SERPING1: variants seen among roughly 807,000 people sequenced by gnomAD.
SERPING1 encodes plasma protease C1 inhibitor.
A neutral mutation model predicts 34.1 loss-of-function variants in SERPING1; 5 were observed. The observed-to-expected ratio is 0.15, with a 90% confidence interval of 0.08 to 0.31. The LOEUF is 0.31. Among genes scored for constraint, SERPING1 ranks in the 10% least tolerant of loss-of-function variants. The probability of loss-of-function intolerance (pLI) is 1.00; values close to 1 mark genes in which losing one functional copy is unlikely to be tolerated. For missense variants in SERPING1, 505 were observed against 609.5 expected (o/e 0.83, Z 1.81); for synonymous variants, 225 against 242.4 (o/e 0.93, Z 0.67).
At chr11:57,598,448 A>C in intron 2 of SERPING1, 127 bp downstream of exon 2, 2 of 892,472 alleles carry the variant, frequency 2.2e-6, no homozygotes, top group Non-Finnish European at 3.5e-6. Context: ...TCTTGGGATC[A>C]TTGAGTGTGA....
Position 57,602,095 on chromosome 11 carries a change from C to T in SERPING1, c.611C>T (p.Thr204Ile). The change falls in exon 4 of 8, where the codon ACC becomes ATC. Residue 204 changes from threonine to isoleucine, a missense_variant. Transcript: ENST00000278407. ...ATCCTCTCTTACCCCAAGGACTTCA[C>T]CTGTGTCCACCAGGCCCTGAAGGGC... ...ESILSYPKDF[T>I]CVHQALKGFT... 1 of 1,614,186 alleles carries T rather than the reference C, an allele frequency of 6.2e-7. No homozygotes were observed. Among genetic ancestry groups the T allele is most frequent in the South Asian group, 1.1e-5 (1 of 91,084 alleles).
intron 4 of SERPING1, among the ~76,000 whole-genome samples, chr11:57,603,420 A>AGGCG (rs1451135508): frequency 6.8e-6 from 1 of 147,854 alleles, no homozygotes. Context: ...GGTGGTGTGC[A>AGGCG]CCTGTAATCC....
chr11:57,614,356 C>T lies in SERPING1; in HGVS notation c.1278C>T (p.Asn426=). ...LEFFDFSYDL[N]LCGLTEDPDL... ...TCTTCGATTTTTCTTATGACCTTAA[C>T]CTGTGTGGGCTGACAGAGGACCCAG... The change falls in exon 8 of 8, where the codon AAC becomes AAT. Residue 426 remains asparagine (N), a synonymous_variant. Transcript: ENST00000278407. The T allele has an allele frequency of 6.2e-7, 1 of 1,614,028 alleles. No homozygotes were observed. Among genetic ancestry groups the T allele is most frequent in the Non-Finnish European group, 8.5e-7 (1 of 1,180,022 alleles).
intron 6 of SERPING1, chr11:57,611,366 G>A (rs879288161): frequency 2.1e-5 from 7 of 332,650 alleles, no homozygotes; most frequent in Admixed American, 8.5e-5. Context: ...TAACTCTGGC[G>A]GTTCAATGTG....
At chr11:57,612,525 C>T (rs139502497) in intron 7 of SERPING1, among the ~76,000 whole-genome samples, 2,081 of 151,212 alleles carry the variant, frequency 0.014, 68 homozygotes, top group African/African-American at 0.049. Context: ...GCCATTCTCT[C>T]GCCTCAGCCT....
At position 57,611,779 on chromosome 11, in the gene SERPING1, A is replaced by T. The variant is rs150193494; in HGVS notation, c.1092A>T (p.Lys364Asn). The T allele has an allele frequency of 1.9e-6, 3 of 1,614,126 alleles. No individual in the cohort carries two copies. The highest frequency in any genetic ancestry group is 1.7e-6 in the Non-Finnish European group (2 of 1,180,044). The change falls in exon 7 of 8, where the codon AAA becomes AAT. Residue 364 changes from lysine to asparagine, a missense_variant. Coordinates refer to ENST00000278407, the MANE Select transcript of SERPING1 (RefSeq NM_000062.3). ...TGATCCTGGTACCCCAGAACCTGAA[A>T]CATCGTCTTGAAGACATGGAACAGG... is the stretch of plus-strand genomic sequence containing the variant. ...SLVILVPQNL[K>N]HRLEDMEQAL...
intron 1 of SERPING1, 64 bp from the exon 2 acceptor site, chr11:57,598,185 G>A: frequency 7.6e-7 from 1 of 1,314,344 alleles, no homozygotes; most frequent in Middle Eastern, 2.6e-4. Flanking sequence ...GCGGGCCCCG[G>A]GCGGGGTGGG....
intron 4 of SERPING1, among the ~76,000 whole-genome samples, chr11:57,603,380 T>C (rs1460478621): frequency 6.7e-6 from 1 of 149,050 alleles, no homozygotes; most frequent in Non-Finnish European, 1.5e-5. Flanking sequence ...ACTCCGTCTC[T>C]ACTGAAAATA....
rs1165804047 is a variant in SERPING1, at chr11:57,614,749, G to A, written c.*168G>A. 2 of 734,598 alleles carry A rather than the reference G, an allele frequency of 2.7e-6. No homozygotes were observed. The highest frequency in any genetic ancestry group is 4.4e-6 in the Non-Finnish European group (2 of 457,926). 45.5% of individuals were successfully genotyped at this position (734,598 alleles called of 1,614,324 possible). A position where few individuals can be genotyped will look rare whatever the true frequency, so the allele number is the denominator to read the frequency against. On this transcript the variant is annotated 3_prime_UTR_variant, in exon 8 of 8. Coordinates refer to ENST00000278407, the MANE Select transcript of SERPING1 (RefSeq NM_000062.3). ...CTGGGCAAGGGACCTGCTTCTATTA[G>A]CCCTTCTCCATGGCCCTGCCATGCT...
chr11:57,604,406 C>G (rs1298620058), intron 4 of SERPING1, among the ~76,000 whole-genome samples: 1 of 151,978 alleles, frequency 6.6e-6, no homozygotes, highest in Non-Finnish European at 1.5e-5. Context: ...CCTCGGAGCC[C>G]TAGGACTTTG....
At chr11:57,613,286 A>C (rs1167147478) in intron 7 of SERPING1, among the ~76,000 whole-genome samples, 5 of 151,946 alleles carry the variant, frequency 3.3e-5, no homozygotes, top group Admixed American at 6.6e-5. Context: ...CAATTCTAAC[A>C]CTCTACCTGG....
chr11:57,599,806 T>A, intron 2 of SERPING1, 73 bp from the exon 3 acceptor site: 1 of 1,607,952 alleles, frequency 6.2e-7, no homozygotes, highest in Non-Finnish European at 8.5e-7. Context: ...CACCTTCTCT[T>A]CCTGCTTTGA....
intron 2 of SERPING1, among the ~76,000 whole-genome samples, 189 bp from the exon 3 acceptor site, chr11:57,599,690 G>T (rs1329218403): frequency 6.6e-6 from 1 of 152,132 alleles, no homozygotes; most frequent in East Asian, 1.9e-4. Context: ...CCCTCACCCT[G>T]TATTGCCCCT....
chr11:57,603,567 G>C (rs1232644687), intron 4 of SERPING1, among the ~76,000 whole-genome samples: 2 of 151,490 alleles, frequency 1.3e-5, no homozygotes, highest in South Asian at 4.2e-4. Flanking sequence ...GGCCGGGCGC[G>C]GTGGCTCATG....
At chr11:57,598,511 G>A (rs1024292601) in intron 2 of SERPING1, among the ~76,000 whole-genome samples, 190 bp downstream of exon 2, 2 of 152,182 alleles carry the variant, frequency 1.3e-5, no homozygotes, top group African/African-American at 4.8e-5. Context: ...TCAGACAGAT[G>A]CAAGTTCTAA....
intron 2 of SERPING1, among the ~76,000 whole-genome samples, chr11:57,599,184 G>A (rs760372100): frequency 3.9e-5 from 6 of 152,136 alleles, no homozygotes; most frequent in Non-Finnish European, 7.3e-5. Flanking sequence ...GCTACCCTGC[G>A]CATTTTAGGA....
At chr11:57,601,397 G>T (rs1477840594) in intron 3 of SERPING1, among the ~76,000 whole-genome samples, 4 of 88,318 alleles carry the variant, frequency 4.5e-5, no homozygotes, top group Admixed American at 2.5e-4. Flanking sequence ...GCAAGACTCT[G>T]TCTCAAAAAA....
At position 57,611,933 on chromosome 11, in the gene SERPING1, T is replaced by C. The variant is rs747457963; in HGVS notation, c.1246T>C (p.Leu416=). The change falls in exon 7 of 8, where the codon TTG becomes CTG. Residue 416 remains leucine, a synonymous_variant. Transcript: ENST00000278407. Reference sequence around the variant, plus strand: ...GGATATGCTCTCAATCATGGAGAAATTGGGTGAGCTCTGGCAGCTTAGGGT... The same window carrying C: ...GGATATGCTCTCAATCATGGAGAAACTGGGTGAGCTCTGGCAGCTTAGGGT... ...SQDMLSIMEK[L]EFFDFSYDLN... is the part of the protein sequence containing the mutation. The C allele has an allele frequency of 1.5e-5, 24 of 1,613,350 alleles. No homozygotes were observed. The East Asian group carries it at 2.9e-4, about 19-fold the overall frequency.
intron 4 of SERPING1, among the ~76,000 whole-genome samples, chr11:57,604,982 C>T (rs1945392594): frequency 6.6e-6 from 1 of 151,256 alleles, no homozygotes; most frequent in Non-Finnish European, 1.5e-5. Context: ...GGTTGGGTAA[C>T]AGAGTAGGAC....
Sources: gnomAD v4.1 joint callset for allele counts (sites outside exome capture counted in the v4.1 genomes callset) on GRCh38, gnomAD v4.1.1 for gene constraint, MANE v1.5 for transcripts, NCBI Gene and HGNC (gene_info 2026-07-23, HGNC 2026-07-21) for gene names.